The following SEMA6D variants were observed in gnomAD, a reference collection of about 807,000 sequenced individuals.
SEMA6D encodes the protein semaphorin 6D, also known as semaphorin-6D.
SEMA6D carries 35 observed loss-of-function variants against 106.6 expected under a neutral mutation model. The ratio of observed to expected loss-of-function variants is 0.33; its 90% confidence interval spans 0.25 to 0.44. The LOEUF (loss-of-function observed/expected upper bound fraction) is 0.44, where lower values mean the gene tolerates loss of function less well. SEMA6D is among the 20% of genes least tolerant of loss of function. The pLI, the probability that SEMA6D is intolerant of heterozygous loss-of-function variation, is 1.00. For synonymous variants in SEMA6D, 499 were observed against 487.7 expected, an observed-to-expected ratio of 1.02 and a Z score of -0.31; for missense variants, 1,185 against 1,345.9, an observed-to-expected ratio of 0.88 and a Z score of 1.87.
At chr15:47,184,806 G>C (rs1367655192) in intron 1 of SEMA6D, among the ~76,000 whole-genome samples, 2 of 152,248 alleles carry the variant, frequency 1.3e-5, no homozygotes, top group Non-Finnish European at 2.9e-5. Context: ...GCGCAAGTGA[G>C]CGCCAAACCC....
Position 47,275,774 on chromosome 15 carries a change from G to T in SEMA6D, c.-239+91356G>T, listed in dbSNP as rs1434881747. ...GTATTCAAGTGATAGGAAAAGTCAT[G>T]TATCTCTCACTTTACATCGAAAGTT... On this transcript the variant is annotated intron_variant, in intron 1 of 19. Coordinates refer to the SEMA6D transcript ENST00000558014. Among the ~76,000 whole-genome samples the T allele has an allele frequency of 4.6e-5, 7 of 152,240 alleles. No homozygotes were observed. In the East Asian group the frequency reaches 1.2e-3, roughly 25 times the overall value.
chr15:47,375,187 A>G (rs2145489366), intron 1 of SEMA6D, among the ~76,000 whole-genome samples: 1 of 152,324 alleles, frequency 6.6e-6, no homozygotes. Context: ...AACAAAATTT[A>G]CCTGGCTCTG....
intron 1 of SEMA6D, among the ~76,000 whole-genome samples, chr15:47,232,191 T>G (rs904028032): frequency 6.6e-6 from 1 of 152,084 alleles, no homozygotes; most frequent in Non-Finnish European, 1.5e-5. Context: ...TACTTCAGTC[T>G]CTCGTATGAC....
chr15:47,649,942 C>G (rs1444943452), intron 4 of SEMA6D, among the ~76,000 whole-genome samples: 6 of 152,128 alleles, frequency 3.9e-5, no homozygotes, highest in African/African-American at 1.2e-4. Context: ...GAAAGTATTT[C>G]TTGTGAACAT....
chr15:47,688,021 A>G (rs1285662517), intron 4 of SEMA6D, among the ~76,000 whole-genome samples: 1 of 152,188 alleles, frequency 6.6e-6, no homozygotes, highest in Non-Finnish European at 1.5e-5. Flanking sequence ...CCTGGAGCTC[A>G]CAAATGAGGT....
chr15:47,225,690 G>A (rs371103467), intron 1 of SEMA6D, among the ~76,000 whole-genome samples: 5 of 151,586 alleles, frequency 3.3e-5, no homozygotes, highest in African/African-American at 7.3e-5. Context: ...CACCAAGCCC[G>A]GCTAATTTTG....
At chr15:47,531,433 T>A (rs1180689222) in intron 3 of SEMA6D, among the ~76,000 whole-genome samples, 1 of 152,232 alleles carries the variant, frequency 6.6e-6, no homozygotes, top group African/African-American at 2.4e-5. Context: ...TGTAACATAG[T>A]TTGTACCAAA....
At chr15:47,319,468 G>C (rs552220289) in intron 1 of SEMA6D, among the ~76,000 whole-genome samples, 1 of 152,174 alleles carries the variant, frequency 6.6e-6, no homozygotes, top group Non-Finnish European at 1.5e-5. Context: ...CTATAAGTAG[G>C]TCTCAATCTT....
At chr15:47,253,913 A>G (rs1348985925) in intron 1 of SEMA6D, among the ~76,000 whole-genome samples, 1 of 152,138 alleles carries the variant, frequency 6.6e-6, no homozygotes, top group Non-Finnish European at 1.5e-5. Context: ...TTTGACAGCA[A>G]TTGCACTGGA....
At chr15:47,706,625 T>A (rs1251894263) in intron 4 of SEMA6D, among the ~76,000 whole-genome samples, 3 of 152,216 alleles carry the variant, frequency 2.0e-5, no homozygotes, top group Non-Finnish European at 4.4e-5. Context: ...AGACTGTATC[T>A]TTTTCTTGGA....
intron 3 of SEMA6D, among the ~76,000 whole-genome samples, chr15:47,476,833 C>G (rs181781761): frequency 6.6e-6 from 1 of 152,274 alleles, no homozygotes; most frequent in Non-Finnish European, 1.5e-5. Context: ...CCCTGTACTT[C>G]CCTCCTTTTC....
intron 1 of SEMA6D, among the ~76,000 whole-genome samples, chr15:47,207,832 G>A (rs373018952): frequency 3.9e-5 from 6 of 152,086 alleles, no homozygotes; most frequent in East Asian, 1.9e-4. Context: ...CATCTAGTAC[G>A]AGATCAGAGT....
chr15:47,335,013 A>T (rs151299755), intron 1 of SEMA6D, among the ~76,000 whole-genome samples: 4 of 152,180 alleles, frequency 2.6e-5, no homozygotes, highest in African/African-American at 9.6e-5. Flanking sequence ...TGTCTCTCTG[A>T]GCTCAGGCCT....
intron 1 of SEMA6D, among the ~76,000 whole-genome samples, chr15:47,332,941 G>A (rs867691138): frequency 6.6e-6 from 1 of 152,134 alleles, no homozygotes; most frequent in African/African-American, 2.4e-5. Context: ...AACAACTAGT[G>A]CCCATCTATG....
intron 4 of SEMA6D, among the ~76,000 whole-genome samples, chr15:47,689,193 C>T (rs1014353195): frequency 2.0e-5 from 3 of 152,170 alleles, no homozygotes; most frequent in African/African-American, 7.2e-5. Flanking sequence ...CAACAATACA[C>T]TCATATTCAG....
chr15:47,393,100 T>C (rs781013064), intron 1 of SEMA6D, among the ~76,000 whole-genome samples: 1 of 152,216 alleles, frequency 6.6e-6, no homozygotes, highest in African/African-American at 2.4e-5. Flanking sequence ...TAGGAAAACA[T>C]ATATGGGCAT....
chr15:47,448,914 A>G (rs921035537), intron 2 of SEMA6D, among the ~76,000 whole-genome samples: 1 of 152,104 alleles, frequency 6.6e-6, no homozygotes, highest in Non-Finnish European at 1.5e-5. Flanking sequence ...TCATGGTGCT[A>G]TGTTCATCCA....
intron 3 of SEMA6D, among the ~76,000 whole-genome samples, chr15:47,566,813 A>G (rs934915798): frequency 2.0e-5 from 3 of 152,224 alleles, no homozygotes; most frequent in Non-Finnish European, 4.4e-5. Flanking sequence ...CTGTCACGTG[A>G]TAGTGTTTAA....
At chr15:47,522,741 T>C (rs183900043) in intron 3 of SEMA6D, among the ~76,000 whole-genome samples, 1 of 152,288 alleles carries the variant, frequency 6.6e-6, no homozygotes, top group African/African-American at 2.4e-5. Context: ...TTCTTCATGA[T>C]GGCAGATGGT....
Sources: allele counts gnomAD v4.1 joint callset (sites outside exome capture counted in the v4.1 genomes callset), GRCh38; gene constraint gnomAD v4.1.1; transcripts MANE v1.5; gene names NCBI Gene and HGNC (gene_info 2026-07-23, HGNC 2026-07-21).